Variants in CNTN3 observed in about 807,000 individuals in gnomAD.
The protein encoded by CNTN3 is contactin-3.
Under a neutral mutation model 119.1 loss-of-function variants are expected in CNTN3, and 60 were observed. The observed-to-expected ratio is 0.50, with a 90% CI of 0.41 to 0.62. The LOEUF (loss-of-function observed/expected upper bound fraction) is 0.62. Ranked by LOEUF, CNTN3 falls within the 20% of genes least tolerant of loss-of-function variation. CNTN3 has a pLI of 0.00. For missense variants in CNTN3, 1,101 were observed against 1,242.4 expected (o/e 0.89, Z 1.71); for synonymous variants, 450 against 438.7 (o/e 1.03, Z -0.32).
Position 74,264,407 on chromosome 3 carries a change from C to G in CNTN3, c.3081G>C (p.Leu1027=). The G allele has an allele frequency of 1.9e-6, 3 of 1,559,090 alleles. No homozygotes were observed. Among genetic ancestry groups the G allele is most frequent in the Non-Finnish European group, 2.6e-6 (3 of 1,147,860 alleles). The change falls in exon 23 of 23, where the codon CTG becomes CTC. Residue 1027 remains leucine, a synonymous_variant. Transcript: ENST00000263665. ...TAATAAAAAGGAGTTAATATCACCA[C>G]AGGACATATACAATTAAGAACAGTA... ...PIVLFLIVYV[L]W
rs904559737 is a variant in CNTN3, at chr3:74,333,151, C to T, written c.1668+1584G>A. On this transcript the variant is annotated intron_variant, in intron 13 of 22. Transcript: ENST00000263665. The stretch of plus-strand genomic sequence containing the variant: ...AATTAGAAAAGCAGTAATTCCAAAA[C>T]GGAATAAATGACAGAAAATAGAAAG... Among the ~76,000 whole-genome samples, 11 of 152,196 alleles carry T rather than the reference C, an allele frequency of 7.2e-5. 1 individual carries two copies. The highest frequency in any genetic ancestry group is 4.1e-4 in the South Asian group (2 of 4,836).
At chr3:74,515,136 C>T (rs1301114782) in intron 2 of CNTN3, among the ~76,000 whole-genome samples, 2 of 151,810 alleles carry the variant, frequency 1.3e-5, no homozygotes, top group African/African-American at 4.8e-5. Context: ...AAGGGATACC[C>T]CACAGGATTT....
chr3:74,518,475 T>C (rs934624631), intron 2 of CNTN3, among the ~76,000 whole-genome samples: 1 of 151,842 alleles, frequency 6.6e-6, no homozygotes, highest in Non-Finnish European at 1.5e-5. Flanking sequence ...TGTGTACAAA[T>C]ACTACAGAAG....
At chr3:74,381,111 AAC>A (rs1704612493) in intron 5 of CNTN3, among the ~76,000 whole-genome samples, 1 of 150,544 alleles carries the variant, frequency 6.6e-6, no homozygotes, top group Non-Finnish European at 1.5e-5. Flanking sequence ...CGCACACATA[AAC>A]ACACACGCAC....
chr3:74,481,863 T>C (rs1702770188), intron 4 of CNTN3, among the ~76,000 whole-genome samples: 1 of 151,774 alleles, frequency 6.6e-6, no homozygotes, highest in Non-Finnish European at 1.5e-5. Flanking sequence ...AAATTAAATA[T>C]ATGTCTAGAT....
intron 5 of CNTN3, among the ~76,000 whole-genome samples, chr3:74,416,385 T>C (rs924908758): frequency 6.6e-6 from 1 of 152,206 alleles, no homozygotes; most frequent in African/African-American, 2.4e-5. Flanking sequence ...ATTCCCCATG[T>C]ATAGATAAGA....
At chr3:74,355,841 C>A (rs1703922195) in intron 11 of CNTN3, among the ~76,000 whole-genome samples, 2 of 152,106 alleles carry the variant, frequency 1.3e-5, no homozygotes, top group Admixed American at 1.3e-4. Flanking sequence ...TGGAATAAAG[C>A]CCAAATTCCT....
At chr3:74,530,765 G>C (rs1703682011) in intron 1 of CNTN3, among the ~76,000 whole-genome samples, 1 of 151,918 alleles carries the variant, frequency 6.6e-6, no homozygotes, top group East Asian at 1.9e-4. Context: ...GAAAGCTAGG[G>C]TATCTCTGGA....
intron 5 of CNTN3, among the ~76,000 whole-genome samples, chr3:74,393,432 C>G (rs1704965171): frequency 3.9e-5 from 6 of 152,196 alleles, no homozygotes; most frequent in Admixed American, 3.9e-4. Context: ...TTTTAATTTC[C>G]TCCTCTTAAA....
At chr3:74,439,347 A>T (rs1195630322) in intron 4 of CNTN3, among the ~76,000 whole-genome samples, 1 of 152,148 alleles carries the variant, frequency 6.6e-6, no homozygotes, top group African/African-American at 2.4e-5. Flanking sequence ...CCTCTACTAA[A>T]AATACAAAAA....
In CNTN3 at chr3:74,374,853, GA is replaced by G. The variant is rs1704438624; in HGVS notation, c.455-3455del. On this transcript the variant is annotated intron_variant, in intron 5 of 22. Coordinates refer to ENST00000263665, the MANE Select transcript of CNTN3 (RefSeq NM_020872.3). ...GAATTAGTGTAATCAGGCAAATTAGGAGGTCTATCTCAGAGTGGTATACTAA... is the reference window on the plus strand; with the variant it reads ...GAATTAGTGTAATCAGGCAAATTAGGGGTCTATCTCAGAGTGGTATACTAA... 5.9e-5 allele frequency among the ~76,000 whole-genome samples: 9 copies of G among 152,212 alleles called. No individual in the cohort carries two copies. The South Asian group carries it at 1.9e-3, about 32-fold the overall frequency.
chr3:74,355,027 G>A (rs1703904594), intron 11 of CNTN3, among the ~76,000 whole-genome samples: 1 of 152,088 alleles, frequency 6.6e-6, no homozygotes, highest in African/African-American at 2.4e-5. Flanking sequence ...TCTATAGCCT[G>A]AGTCTTTCTC....
At chr3:74,265,346 T>C (rs1389357657) in intron 22 of CNTN3, among the ~76,000 whole-genome samples, 1 of 152,152 alleles carries the variant, frequency 6.6e-6, no homozygotes, top group East Asian at 1.9e-4. Context: ...TCTTTTAAAA[T>C]TGCCACTTTG....
At chr3:74,466,566 G>A (rs549398642) in intron 4 of CNTN3, among the ~76,000 whole-genome samples, 1 of 152,186 alleles carries the variant, frequency 6.6e-6, no homozygotes, top group African/African-American at 2.4e-5. Context: ...CTATTCTAAT[G>A]GGAACTTAAG....
intron 5 of CNTN3, among the ~76,000 whole-genome samples, chr3:74,387,748 T>C (rs1368327084): frequency 1.3e-5 from 2 of 152,246 alleles, no homozygotes; most frequent in Admixed American, 1.3e-4. Flanking sequence ...AGAACTTGCT[T>C]TGACTTTAAA....
intron 13 of CNTN3, among the ~76,000 whole-genome samples, chr3:74,309,116 T>A (rs780353457): frequency 6.6e-6 from 1 of 152,054 alleles, no homozygotes; most frequent in African/African-American, 2.4e-5. Flanking sequence ...TTTATTTATT[T>A]ATTTTTGAGA....
At chr3:74,275,934 T>C (rs562415537) in intron 20 of CNTN3, among the ~76,000 whole-genome samples, 1 of 151,756 alleles carries the variant, frequency 6.6e-6, no homozygotes, top group South Asian at 2.1e-4. Flanking sequence ...AAACTTAAAG[T>C]AAAGGGCTGG....
intron 5 of CNTN3, among the ~76,000 whole-genome samples, chr3:74,408,506 C>G (rs1353199945): frequency 6.6e-6 from 1 of 152,078 alleles, no homozygotes; most frequent in Non-Finnish European, 1.5e-5. Flanking sequence ...TTATCCCTGT[C>G]TTTAGAGGGG....
intron 17 of CNTN3, 149 bp downstream of exon 17, chr3:74,299,719 C>T (rs1473376368): frequency 1.8e-6 from 1 of 543,976 alleles, no homozygotes; most frequent in African/African-American, 1.9e-5. Context: ...CCATCACCAC[C>T]TATATTACCA....
Sources: gnomAD v4.1 joint callset for allele counts (sites outside exome capture counted in the v4.1 genomes callset) on GRCh38, gnomAD v4.1.1 for gene constraint, MANE v1.5 for transcripts, NCBI Gene and HGNC (gene_info 2026-07-23, HGNC 2026-07-21) for gene names.